The following ZER1 variants were observed in gnomAD, a reference collection of about 807,000 sequenced individuals.
ZER1 encodes the protein protein zer-1 homolog.
Under a neutral mutation model 78.8 loss-of-function variants are expected in ZER1, and 11 were observed. The ratio of observed to expected loss-of-function variants is 0.14; its 90% CI spans 0.09 to 0.23. The LOEUF is 0.23. ZER1 is among the 10% of genes least tolerant of loss of function. ZER1 has a pLI of 1.00. For synonymous variants in ZER1, 400 were observed against 407.0 expected (o/e 0.98, Z 0.21); for missense variants, 588 against 996.9 (o/e 0.59, Z 5.52).
intron 14 of ZER1, 93 bp downstream of exon 14, chr9:128,735,241 A>C: frequency 2.6e-6 from 3 of 1,168,602 alleles, no homozygotes; most frequent in Non-Finnish European, 3.6e-6. Context: ...TGACAGCAGC[A>C]ATTAATGCCC....
In ZER1 at chr9:128,733,326, C is replaced by T. The variant is rs1564388867; in HGVS notation, c.2243+100G>A. The T allele has an allele frequency of 6.1e-6, 6 of 976,158 alleles. No homozygotes were observed. In the East Asian group the frequency reaches 1.1e-4, roughly 17 times the overall value. The allele number at this position is 976,158 out of a possible 1,614,324, so 60.5% of individuals were successfully genotyped here. On this transcript the variant is annotated intron_variant, in intron 15 of 15. Coordinates refer to ENST00000291900, the MANE Select transcript of ZER1 (RefSeq NM_006336.4). ...CCTCCATACTCAACTCTAAGCTGTCCCTGGGAATTTCAGCCATTCCTAACC... is the reference window on the plus strand; with the variant it reads ...CCTCCATACTCAACTCTAAGCTGTCTCTGGGAATTTCAGCCATTCCTAACC...
intron 1 of ZER1, among the ~76,000 whole-genome samples, chr9:128,758,559 C>G (rs1245342335): frequency 5.3e-5 from 8 of 152,116 alleles, no homozygotes; most frequent in Admixed American, 5.2e-4. Context: ...CCTGAGACTA[C>G]AGGCATGCAT....
chr9:128,731,513 G>A (rs1054857992), intron 15 of ZER1, 119 bp from the exon 16 acceptor site: 8 of 788,850 alleles, frequency 1.0e-5, no homozygotes, highest in South Asian at 3.4e-5. Context: ...GATGCTGACC[G>A]AATGATGTGG....
intron 8 of ZER1, among the ~76,000 whole-genome samples, chr9:128,743,073 C>T (rs1005977994): frequency 1.3e-5 from 2 of 152,054 alleles, no homozygotes; most frequent in Admixed American, 1.3e-4. Flanking sequence ...CTTAGCCCTT[C>T]GACCCCCCTA....
Position 128,752,818 on chromosome 9 carries a change from T to G in ZER1, c.778A>C (p.Ser260Arg). 6.2e-7 allele frequency: 1 copy of G among 1,614,096 alleles called. No homozygotes were observed. The highest frequency in any genetic ancestry group is 8.5e-7 in the Non-Finnish European group (1 of 1,179,994). The change falls in exon 5 of 16, where the codon AGC (serine) becomes CGC (arginine). Residue 260 changes from serine to arginine, a missense_variant. Coordinates refer to ENST00000291900, the MANE Select transcript of ZER1 (RefSeq NM_006336.4). ...HLDISRDRLS[S>R]YYKFKLTREV... ...CGAGTCAGCTTGAACTTGTAGTAGC[T>G]GGAGAGGCGGTCTCGGGAGATGTCC...
intron 1 of ZER1, among the ~76,000 whole-genome samples, chr9:128,761,627 C>G (rs1423415237): frequency 1.6e-5 from 2 of 127,284 alleles, no homozygotes; most frequent in Non-Finnish European, 3.2e-5. Flanking sequence ...TTTTTTGAGA[C>G]AGAGTCTCAC....
At chr9:128,739,594 T>C (rs982256765) in intron 13 of ZER1, among the ~76,000 whole-genome samples, 1 of 151,964 alleles carries the variant, frequency 6.6e-6, no homozygotes, top group Admixed American at 6.6e-5. Flanking sequence ...GGGCAAGAGC[T>C]ACTGTGCCCG....
Position 128,753,468 on chromosome 9 carries a change from TCTC to T in ZER1, c.439_441del (p.Glu147del), listed in dbSNP as rs1317453177. 2.5e-6 allele frequency: 4 copies of T among 1,614,034 alleles called. No individual in the cohort carries two copies. The highest frequency in any genetic ancestry group is 3.4e-6 in the Non-Finnish European group (4 of 1,179,994). On this transcript the variant is annotated inframe_deletion, in exon 4 of 16. Transcript: ENST00000291900. The surrounding 1 kb of genome is among the most constrained non-coding windows in gnomAD (Gnocchi z 7.5). ...TACTCATCTTCACAGCCCCCTGGGT[TCTC>T]CTCCTCATAGAAAATGTTTGTACAG...
chr9:128,737,076 G>A (rs559779719), intron 13 of ZER1, among the ~76,000 whole-genome samples: 1 of 152,034 alleles, frequency 6.6e-6, no homozygotes, highest in Non-Finnish European at 1.5e-5. Flanking sequence ...CCTGGGAGAC[G>A]GGGGTTGCAG....
At chr9:128,765,655 G>A (rs1051915080) in intron 1 of ZER1, among the ~76,000 whole-genome samples, 1 of 152,144 alleles carries the variant, frequency 6.6e-6, no homozygotes, top group Admixed American at 6.6e-5. Context: ...TACTCACCCT[G>A]TGAAATATTA....
intron 1 of ZER1, among the ~76,000 whole-genome samples, chr9:128,761,912 C>T (rs1028745730): frequency 3.3e-5 from 5 of 151,462 alleles, no homozygotes; most frequent in Non-Finnish European, 7.4e-5. Context: ...CTGACCCCAT[C>T]TTATAGAGGA....
At chr9:128,765,649 C>A (rs934931531) in intron 1 of ZER1, among the ~76,000 whole-genome samples, 2 of 152,134 alleles carry the variant, frequency 1.3e-5, no homozygotes, top group African/African-American at 4.8e-5. Flanking sequence ...GAGCAGTACT[C>A]ACCCTGTGAA....
rs775623731 is a variant in ZER1, at chr9:128,753,761, C to T, written c.309+48G>A. The T allele has an allele frequency of 1.3e-6, 2 of 1,585,272 alleles. No individual in the cohort carries two copies. The highest frequency in any genetic ancestry group is 1.3e-5 in the African/African-American group (1 of 74,664). On this transcript the variant is annotated intron_variant, in intron 3 of 15. Transcript: ENST00000291900. The surrounding 1 kb of genome is among the most constrained non-coding windows in gnomAD (Gnocchi z 7.5). Reference sequence around the variant, plus strand: ...CTGGGCTGGAGGCGAGCAGCCTGGCCCCTGCTTGGTGTGGGCCCTCCTGGC... The same window carrying T: ...CTGGGCTGGAGGCGAGCAGCCTGGCTCCTGCTTGGTGTGGGCCCTCCTGGC...
At chr9:128,741,394 G>A in intron 11 of ZER1, 141 bp downstream of exon 11, 1 of 1,276,290 alleles carries the variant, frequency 7.8e-7, no homozygotes, top group African/African-American at 1.5e-5. Context: ...CTGGGTGGGT[G>A]GGCCTGAGTC....
Position 128,732,983 on chromosome 9 carries a change from C to A in ZER1, c.2243+443G>T. ...TGAAAGCCACAGAGCCACGGAAGGC[C>A]GAGACTCCACCATGTTTGTGATCTT... On this transcript the variant is annotated intron_variant, in intron 15 of 15. Coordinates refer to ENST00000291900, the MANE Select transcript of ZER1 (RefSeq NM_006336.4). This position sits in a 1 kb window ranked among gnomAD's most constrained non-coding sequence, Gnocchi z 4.8. 6.3e-6 allele frequency: 1 copy of A among 157,748 alleles called. No homozygotes were observed. 9.8% of individuals were successfully genotyped at this position (157,748 alleles called of 1,614,324 possible). A position where few individuals can be genotyped will look rare whatever the true frequency, so the allele number is the denominator to read the frequency against.
chr9:128,742,801 GC>G, intron 8 of ZER1, 56 bp from the exon 9 acceptor site: 1 of 1,528,574 alleles, frequency 6.5e-7, no homozygotes, highest in Non-Finnish European at 8.8e-7. Context: ...CAGGAGCAGG[GC>G]TCTAGGAACT....
chr9:128,768,698 C>T (rs528823768), intron 1 of ZER1, among the ~76,000 whole-genome samples: 37 of 152,218 alleles, frequency 2.4e-4, no homozygotes, highest in African/African-American at 6.7e-4. Flanking sequence ...GGATATAGTC[C>T]GGGCTTGGGG....
At chr9:128,763,054 G>A (rs925228313) in intron 1 of ZER1, among the ~76,000 whole-genome samples, 11 of 152,146 alleles carry the variant, frequency 7.2e-5, no homozygotes, top group African/African-American at 2.7e-4. Context: ...AAGGCCCTCG[G>A]CACAGGTCAC....
Position 128,769,558 on chromosome 9 carries a change from C to T in ZER1, c.-95+2023G>A, listed in dbSNP as rs925286654. Reference sequence around the variant, plus strand: ...CCTCTCCAGTAGCTGAGATTACAGGCATGCGTCACCACACCCGGCTAATTT... The same window carrying T: ...CCTCTCCAGTAGCTGAGATTACAGGTATGCGTCACCACACCCGGCTAATTT... On this transcript the variant is annotated intron_variant, in intron 1 of 15. Transcript: ENST00000291900. 2.0e-5 allele frequency among the ~76,000 whole-genome samples: 3 copies of T among 152,026 alleles called. No individual in the cohort carries two copies. The East Asian group carries it at 5.8e-4, about 29-fold the overall frequency.
Sources: allele counts gnomAD v4.1 joint callset (sites outside exome capture counted in the v4.1 genomes callset), GRCh38; gene constraint gnomAD v4.1.1; non-coding constraint Gnocchi (gnomAD v3.1); transcripts MANE v1.5; gene names NCBI Gene and HGNC (gene_info 2026-07-23, HGNC 2026-07-21).